Variants in UBAP2 observed in about 807,000 individuals in gnomAD.
The protein encoded by UBAP2 is ubiquitin-associated protein 2.
Under a neutral mutation model 139.6 loss-of-function variants are expected in UBAP2, and 75 were observed. That is an observed-to-expected ratio of 0.54 (90% CI 0.45 to 0.65). UBAP2 has a LOEUF of 0.65. Among genes scored for constraint, UBAP2 ranks in the 30% least tolerant of loss-of-function variants. The probability of loss-of-function intolerance (pLI) is 0.00; values close to 1 mark genes in which losing one functional copy is unlikely to be tolerated. For synonymous variants in UBAP2, 526 were observed against 526.2 expected, an observed-to-expected ratio of 1.00 and a Z score of 0.01; for missense variants, 1,368 against 1,369.6, an observed-to-expected ratio of 1.00 and a Z score of 0.02.
In UBAP2 at chr9:34,029,254, G is replaced by A. The variant is rs553730715; in HGVS notation, c.-41-12065C>T. ...TAAAAATGTGTACATAGGGCCAGGC[G>A]TAGTGGCTCAGACCTGTAATCCAGC... On this transcript the variant is annotated intron_variant, in intron 1 of 28. Transcript: ENST00000379238. Among the ~76,000 whole-genome samples the A allele has an allele frequency of 2.8e-4, 40 of 142,854 alleles. No individual in the cohort carries two copies. The South Asian group carries it at 7.3e-3, about 26-fold the overall frequency. 93.7% of individuals were successfully genotyped at this position (142,854 alleles called of 152,430 possible).
At chr9:33,943,203 T>C (rs1471022809) in intron 15 of UBAP2, among the ~76,000 whole-genome samples, 1 of 152,200 alleles carries the variant, frequency 6.6e-6, no homozygotes, top group African/African-American at 2.4e-5. Flanking sequence ...ATATGAAATG[T>C]CCAGGTAGGC....
chr9:34,003,157 T>C (rs1358417155), intron 2 of UBAP2, among the ~76,000 whole-genome samples: 1 of 151,348 alleles, frequency 6.6e-6, no homozygotes, highest in Non-Finnish European at 1.5e-5. Context: ...GTTCAAACAA[T>C]TCTCATGCTT....
chr9:34,010,225 A>C (rs1823630437), intron 2 of UBAP2, among the ~76,000 whole-genome samples: 1 of 149,780 alleles, frequency 6.7e-6, no homozygotes, highest in Non-Finnish European at 1.5e-5. Flanking sequence ...GGAGTTTGAG[A>C]CCATCCTGGC....
rs112496392 is a variant in UBAP2 at position 33,988,053 on chromosome 9, T to A, written c.442+920A>T. 9.5e-3 allele frequency among the ~76,000 whole-genome samples: 1,443 copies of A among 152,306 alleles called. 32 individuals are homozygous for A. The highest frequency in any genetic ancestry group is 0.033 in the African/African-American group (1,377 of 41,568). On this transcript the variant is annotated intron_variant, in intron 5 of 28. Transcript: ENST00000379238. ...TGACTCACATGAATTCCAGTGAGGC[T>A]TTCCTTGGCAACCCACTTAAATTTG...
chr9:33,941,474 G>A (rs1156809103), intron 16 of UBAP2, among the ~76,000 whole-genome samples, 175 bp downstream of exon 16: 1 of 152,210 alleles, frequency 6.6e-6, no homozygotes, highest in East Asian at 1.9e-4. Context: ...ACACACTCAA[G>A]AGCATGGGTG....
chr9:34,005,951 C>T (rs997325795), intron 2 of UBAP2, among the ~76,000 whole-genome samples: 11 of 152,202 alleles, frequency 7.2e-5, no homozygotes, highest in African/African-American at 2.6e-4. Flanking sequence ...TGGACTCTGG[C>T]CAGGCGTGGT....
intron 6 of UBAP2, among the ~76,000 whole-genome samples, chr9:33,980,172 C>T (rs1820513702): frequency 6.7e-6 from 1 of 149,450 alleles, no homozygotes; most frequent in Admixed American, 6.7e-5. Context: ...TAATCCAAAT[C>T]CTGACATTCT....
chr9:33,935,603 G>C (rs556876192), intron 17 of UBAP2: 377 of 575,500 alleles, frequency 6.6e-4, no homozygotes, highest in Non-Finnish European at 1.0e-3. Flanking sequence ...TGCTGCACTT[G>C]TGGTGCAGTC....
intron 1 of UBAP2, among the ~76,000 whole-genome samples, chr9:34,038,378 CCCTGCCTGATTCT>C (rs966144379): frequency 6.6e-6 from 1 of 152,338 alleles, no homozygotes; most frequent in East Asian, 1.9e-4. Context: ...ACTGCAACCT[CCCTGCCTGATTCT>C]CCTGCCTCGG....
intron 16 of UBAP2, among the ~76,000 whole-genome samples, chr9:33,940,691 A>T (rs1825128687): frequency 6.6e-6 from 1 of 152,114 alleles, no homozygotes; most frequent in African/African-American, 2.4e-5. Flanking sequence ...GGGTGGGAGG[A>T]CTCACTGAGC....
At chr9:33,935,163 C>CGGGGGA (rs1554680828) in intron 17 of UBAP2, among the ~76,000 whole-genome samples, 1 of 87,926 alleles carries the variant, frequency 1.1e-5, no homozygotes, top group Admixed American at 1.2e-4. Context: ...TTGGAAGTGG[C>CGGGGGA]GGGGGGGGGG....
chr9:33,943,303 T>A, intron 15 of UBAP2, 117 bp downstream of exon 15: 1 of 1,007,100 alleles, frequency 9.9e-7, no homozygotes, highest in Non-Finnish European at 1.4e-6. Flanking sequence ...CTTATGGAGA[T>A]GATGGAAGGT....
chr9:33,941,389 T>C (rs573197253), intron 16 of UBAP2, among the ~76,000 whole-genome samples: 1 of 152,300 alleles, frequency 6.6e-6, no homozygotes, highest in Admixed American at 6.5e-5. Flanking sequence ...AAGTACCCAG[T>C]ACTACAGCCA....
At chr9:33,933,235 A>C (rs1490058209) in intron 18 of UBAP2, among the ~76,000 whole-genome samples, 1 of 152,088 alleles carries the variant, frequency 6.6e-6, no homozygotes, top group African/African-American at 2.4e-5. Flanking sequence ...GGTAGGAGGG[A>C]GCTGCTGGCC....
intron 19 of UBAP2, among the ~76,000 whole-genome samples, chr9:33,931,405 G>A (rs527886472): frequency 2.6e-5 from 4 of 152,286 alleles, no homozygotes; most frequent in African/African-American, 9.6e-5. Flanking sequence ...ACATGGTCTG[G>A]AGGTTTTTTT....
intron 3 of UBAP2, 86 bp downstream of exon 3, chr9:33,998,701 A>T: frequency 7.5e-7 from 1 of 1,327,758 alleles, no homozygotes; most frequent in Non-Finnish European, 1.0e-6. Context: ...GTAATACTTT[A>T]AAACAAAAAT....
chr9:33,923,448 C>A lies in UBAP2; in HGVS notation c.2827G>T (p.Val943Leu). 1 of 1,614,088 alleles carries A rather than the reference C, an allele frequency of 6.2e-7. No individual in the cohort carries two copies. Among genetic ancestry groups the A allele is most frequent in the East Asian group, 2.2e-5 (1 of 44,868 alleles). Residue 943 changes from valine (V) to leucine (L), a missense_variant, in exon 25 of 29, where the codon GTG (valine) becomes TTG (leucine). Coordinates refer to ENST00000379238, the MANE Select transcript of UBAP2 (RefSeq NM_001370062.2). The stretch of plus-strand genomic sequence containing the variant: ...GGAGGTGTGGGAGTGCTGAGGTTCA[C>A]CCCATGTTGCTTGGCTGAGGCTGGA... Reference protein sequence around the residue: ...VPPASAKQHGVNLSTPTPPFQ... With the variant: ...VPPASAKQHGLNLSTPTPPFQ...
chr9:34,020,163 A>C (rs574730451), intron 1 of UBAP2, among the ~76,000 whole-genome samples: 1 of 151,552 alleles, frequency 6.6e-6, no homozygotes, highest in East Asian at 1.9e-4. Context: ...AAAAAAAAAA[A>C]AAAAAAAACT....
intron 4 of UBAP2, among the ~76,000 whole-genome samples, chr9:33,994,064 T>A (rs1266880404): frequency 1.3e-5 from 2 of 152,038 alleles, no homozygotes; most frequent in African/African-American, 4.8e-5. Context: ...CTGGCTAATT[T>A]TTTGTATTTT....
Sources: allele counts gnomAD v4.1 joint callset (sites outside exome capture counted in the v4.1 genomes callset), GRCh38; gene constraint gnomAD v4.1.1; transcripts MANE v1.5; gene names NCBI Gene and HGNC (gene_info 2026-07-23, HGNC 2026-07-21).